Variants in DLGAP1 observed in about 807,000 individuals in gnomAD.
DLGAP1 encodes the protein disks large-associated protein 1.
DLGAP1 carries 11 observed loss-of-function variants against 90.8 expected under a neutral mutation model. The ratio of observed to expected loss-of-function variants is 0.12; its 90% CI spans 0.08 to 0.20. The LOEUF (loss-of-function observed/expected upper bound fraction) is 0.20, where lower values mean the gene tolerates loss of function less well. Ranked by LOEUF, DLGAP1 falls within the 10% of genes least tolerant of loss-of-function variation. The pLI is 1.00. For synonymous variants in DLGAP1, 558 were observed against 540.7 expected, an observed-to-expected ratio of 1.03 and a Z score of -0.44; for missense variants, 1,050 against 1,333.8, an observed-to-expected ratio of 0.79 and a Z score of 3.31.
At chr18:4,213,722 C>T (rs1228958666) in intron 1 of DLGAP1, among the ~76,000 whole-genome samples, 1 of 152,112 alleles carries the variant, frequency 6.6e-6, no homozygotes, top group East Asian at 1.9e-4. Flanking sequence ...GGGGACCTCC[C>T]CCATATCTCA....
chr18:4,146,924 A>G (rs1428671999), intron 2 of DLGAP1, among the ~76,000 whole-genome samples: 3 of 152,214 alleles, frequency 2.0e-5, no homozygotes, highest in South Asian at 4.1e-4. Flanking sequence ...ATTGAGCCCA[A>G]TTTCTGGAAT....
intron 7 of DLGAP1, among the ~76,000 whole-genome samples, chr18:3,641,398 G>T (rs2058933014): frequency 6.6e-6 from 1 of 150,910 alleles, no homozygotes; most frequent in Admixed American, 6.6e-5. Context: ...TTAGCTGGGT[G>T]TGGTGGCGGG....
chr18:3,997,729 AATTTT>A (rs1183471659), intron 3 of DLGAP1, among the ~76,000 whole-genome samples: 1 of 152,036 alleles, frequency 6.6e-6, no homozygotes, highest in Non-Finnish European at 1.5e-5. Context: ...TTAATAATAT[AATTTT>A]ATTTAACCCA....
intron 7 of DLGAP1, among the ~76,000 whole-genome samples, chr18:3,681,858 C>A (rs447346): frequency 0.59 from 88,968 of 151,886 alleles, 27,443 homozygotes; most frequent in African/African-American, 0.78. Flanking sequence ...GGCTGGGCGC[C>A]GTGGCTCCCA....
At chr18:3,882,370 T>TA (rs112410105) in intron 3 of DLGAP1, among the ~76,000 whole-genome samples, 11,331 of 143,332 alleles carry the variant, frequency 0.079, 1,159 homozygotes, top group African/African-American at 0.24. Context: ...ACCCAGTCTT[T>TA]AAAAAAAAAA....
chr18:4,304,349 T>C (rs1355020678), intron 1 of DLGAP1, among the ~76,000 whole-genome samples: 2 of 152,248 alleles, frequency 1.3e-5, no homozygotes, highest in African/African-American at 4.8e-5. Context: ...AGTGCTTACC[T>C]TGGGTGGGGA....
chr18:3,680,593 C>T (rs1201607291), intron 7 of DLGAP1, among the ~76,000 whole-genome samples: 1 of 152,112 alleles, frequency 6.6e-6, no homozygotes, highest in East Asian at 1.9e-4. Context: ...CAAGACCATC[C>T]TGGCTAACAT....
chr18:4,183,405 A>G (rs1165280889), intron 1 of DLGAP1, among the ~76,000 whole-genome samples: 1 of 152,176 alleles, frequency 6.6e-6, no homozygotes, highest in Admixed American at 6.6e-5. Flanking sequence ...GAAGCAGACT[A>G]AAGGGAACAT....
chr18:3,774,348 C>G (rs2064840517), intron 5 of DLGAP1: 1 of 152,214 alleles, frequency 6.6e-6, no homozygotes, highest in African/African-American at 2.4e-5. Flanking sequence ...GTCTTAGAGG[C>G]AGGGGTGCTG....
intron 4 of DLGAP1, chr18:3,821,903 GC>G: frequency 1.0e-6 from 1 of 985,064 alleles, no homozygotes; most frequent in African/African-American, 1.7e-5. Context: ...CGATTTCTTT[GC>G]ATCTTCTTTG....
At chr18:4,278,406 C>T (rs932996013) in intron 1 of DLGAP1, among the ~76,000 whole-genome samples, 3 of 152,052 alleles carry the variant, frequency 2.0e-5, no homozygotes, top group Non-Finnish European at 4.4e-5. Flanking sequence ...GTACATTGTA[C>T]CCACTAAATA....
chr18:3,601,385 C>T (rs568779864), intron 7 of DLGAP1, among the ~76,000 whole-genome samples: 132 of 151,936 alleles, frequency 8.7e-4, no homozygotes, highest in African/African-American at 3.0e-3. Context: ...TGCGCCTGGC[C>T]CAGAATGGAG....
chr18:4,357,256 T>G (rs1360967000), intron 1 of DLGAP1, among the ~76,000 whole-genome samples: 1 of 146,590 alleles, frequency 6.8e-6, no homozygotes, highest in Non-Finnish European at 1.5e-5. Flanking sequence ...TGGGTTCAAG[T>G]GATTCTCCTG....
chr18:4,220,273 AAAATCT>A (rs59777885), intron 1 of DLGAP1, among the ~76,000 whole-genome samples: 74,576 of 151,302 alleles, frequency 0.49, 19,137 homozygotes, highest in East Asian at 0.78. Context: ...GACAGTACAT[AAAATCT>A]AAATCTCTCT....
chr18:4,364,749 G>A (rs1040926623), intron 1 of DLGAP1, among the ~76,000 whole-genome samples: 1 of 152,066 alleles, frequency 6.6e-6, no homozygotes, highest in African/African-American at 2.4e-5. Context: ...TGTGATGTTA[G>A]GTTGTTAACT....
intron 5 of DLGAP1, among the ~76,000 whole-genome samples, chr18:3,779,909 C>A (rs1315691788): frequency 6.6e-6 from 1 of 151,934 alleles, no homozygotes; most frequent in Non-Finnish European, 1.5e-5. Flanking sequence ...CCTGCCTCAG[C>A]TTTCCAAGTA....
intron 4 of DLGAP1, among the ~76,000 whole-genome samples, chr18:3,835,564 G>A (rs944722117): frequency 1.5e-4 from 22 of 150,906 alleles, no homozygotes; most frequent in African/African-American, 5.4e-4. Flanking sequence ...CAGGAGAATC[G>A]CTTGAATCTG....
At chr18:4,033,763 A>G (rs1412844171) in intron 2 of DLGAP1, among the ~76,000 whole-genome samples, 2 of 146,760 alleles carry the variant, frequency 1.4e-5, no homozygotes, top group Non-Finnish European at 1.5e-5. Context: ...TTTTTGAGAC[A>G]GAGTCTCGCT....
At chr18:3,979,943 C>G (rs1021054838) in intron 3 of DLGAP1, among the ~76,000 whole-genome samples, 5 of 152,134 alleles carry the variant, frequency 3.3e-5, no homozygotes, top group African/African-American at 7.2e-5. Context: ...CGAGACCAGC[C>G]TGGCCAACAT....
Sources: gnomAD v4.1 joint callset for allele counts (sites outside exome capture counted in the v4.1 genomes callset) on GRCh38, gnomAD v4.1.1 for gene constraint, MANE v1.5 for transcripts, NCBI Gene and HGNC (gene_info 2026-07-23, HGNC 2026-07-21) for gene names.